Variants in GSG1L observed in about 807,000 individuals in gnomAD.
GSG1L encodes the protein GSG1 like, also known as germ cell-specific gene 1-like protein.
In GSG1L, 24 loss-of-function variants were observed where a neutral mutation model predicts 42.1. That is an observed-to-expected ratio of 0.57 (90% CI 0.41 to 0.80). GSG1L has a LOEUF of 0.80. Among genes scored for constraint, GSG1L ranks in the 30% least tolerant of loss-of-function variants. GSG1L has a pLI of 0.00. For synonymous variants in GSG1L, 215 were observed against 203.5 expected, an observed-to-expected ratio of 1.06 and a Z score of -0.48; for missense variants, 445 against 472.2, an observed-to-expected ratio of 0.94 and a Z score of 0.53.
At chr16:27,820,292 A>G (rs556091138) in intron 5 of GSG1L, among the ~76,000 whole-genome samples, 1 of 152,334 alleles carries the variant, frequency 6.6e-6, no homozygotes, top group East Asian at 1.9e-4. Flanking sequence ...GCTGCACATC[A>G]TAGAAGGGAA....
intron 2 of GSG1L, among the ~76,000 whole-genome samples, chr16:27,946,608 AGAGAGAGAGAGAGAGAGAGAG>A (rs1567529880): frequency 7.0e-4 from 5 of 7,118 alleles, no homozygotes; most frequent in African/African-American, 2.5e-3. Context: ...AGAGAGAGAG[AGAGAGAGAGAGAGAGAGAGAG>A]AGAAAGAAAG....
chr16:27,850,193 A>G (rs2140988999), intron 3 of GSG1L, among the ~76,000 whole-genome samples: 1 of 151,320 alleles, frequency 6.6e-6, no homozygotes, highest in Middle Eastern at 3.4e-3. Flanking sequence ...ACACCCGGCT[A>G]ATTTTTGTAT....
intron 1 of GSG1L, among the ~76,000 whole-genome samples, chr16:28,058,989 G>A (rs564651206): frequency 5.3e-5 from 8 of 152,190 alleles, no homozygotes; most frequent in Non-Finnish European, 1.2e-4. Context: ...CTGGGGAGTG[G>A]GGGTGATGGC....
At chr16:27,977,432 C>T (rs1242586515) in intron 1 of GSG1L, among the ~76,000 whole-genome samples, 3 of 151,866 alleles carry the variant, frequency 2.0e-5, no homozygotes, top group Non-Finnish European at 2.9e-5. Flanking sequence ...AATAGCTGGG[C>T]GTGGCAGTGT....
intron 2 of GSG1L, among the ~76,000 whole-genome samples, chr16:27,924,544 G>A (rs2084569245): frequency 6.6e-6 from 1 of 152,110 alleles, no homozygotes; most frequent in Admixed American, 6.5e-5. Context: ...CAGAAACTTA[G>A]AGTTTCTTTT....
intron 1 of GSG1L, among the ~76,000 whole-genome samples, chr16:28,043,059 C>G (rs2086125311): frequency 6.6e-6 from 1 of 152,148 alleles, no homozygotes; most frequent in African/African-American, 2.4e-5. Context: ...AAGTTAATTC[C>G]CTGCCAAAGA....
chr16:27,883,695 C>T (rs1205399851), intron 3 of GSG1L, among the ~76,000 whole-genome samples: 1 of 152,198 alleles, frequency 6.6e-6, no homozygotes, highest in Non-Finnish European at 1.5e-5. Flanking sequence ...AACAGCCAAG[C>T]CACTGCTCTG....
At chr16:27,896,525 A>C (rs2084193944) in intron 2 of GSG1L, among the ~76,000 whole-genome samples, 1 of 152,246 alleles carries the variant, frequency 6.6e-6, no homozygotes, top group Non-Finnish European at 1.5e-5. Context: ...CCTATGTAAC[A>C]AACCTGCACA....
intron 1 of GSG1L, among the ~76,000 whole-genome samples, chr16:28,026,306 G>A (rs1228351896): frequency 6.6e-6 from 1 of 152,142 alleles, no homozygotes; most frequent in African/African-American, 2.4e-5. Context: ...ACCAGGAGAG[G>A]AGCCCCTTGA....
At chr16:27,984,665 T>C (rs1313519724) in intron 1 of GSG1L, among the ~76,000 whole-genome samples, 2 of 152,232 alleles carry the variant, frequency 1.3e-5, no homozygotes, top group Non-Finnish European at 2.9e-5. Context: ...TCTGGCATTT[T>C]TTTTCAGTCG....
chr16:27,884,460 A>G lies in GSG1L; in HGVS notation c.550+26T>C. On this transcript the variant is annotated intron_variant, in intron 3 of 6. Coordinates refer to ENST00000447459, the MANE Select transcript of GSG1L (RefSeq NM_001109763.2). This position sits in a 1 kb window ranked among gnomAD's most constrained non-coding sequence, Gnocchi z 4.4. ...CACCCTTTCTCGCCTGTGCTCTGAG[A>G]GGCCACAGGACCAGCCATGCCTTAC... 6.2e-7 allele frequency: 1 copy of G among 1,603,258 alleles called. No individual in the cohort carries two copies. The highest frequency in any genetic ancestry group is 8.5e-7 in the Non-Finnish European group (1 of 1,173,030).
At chr16:27,921,478 C>G (rs1404987547) in intron 2 of GSG1L, among the ~76,000 whole-genome samples, 8 of 152,146 alleles carry the variant, frequency 5.3e-5, no homozygotes, top group African/African-American at 7.2e-5. Flanking sequence ...AAACATCAAC[C>G]CTGTTAACTT....
At chr16:27,872,691 C>T (rs1020666233) in intron 3 of GSG1L, among the ~76,000 whole-genome samples, 15 of 152,138 alleles carry the variant, frequency 9.9e-5, no homozygotes, top group Non-Finnish European at 2.2e-4. Flanking sequence ...ACAAAAGTGC[C>T]CTCTGGTTGT....
intron 4 of GSG1L, among the ~76,000 whole-genome samples, chr16:27,835,459 T>A (rs1405357932): frequency 6.6e-6 from 1 of 152,160 alleles, no homozygotes; most frequent in Admixed American, 6.5e-5. Flanking sequence ...ACTCGGCCAA[T>A]TTCTGACTTT....
At chr16:27,823,790 C>G in intron 5 of GSG1L, 1 of 695,022 alleles carries the variant, frequency 1.4e-6, no homozygotes, top group Non-Finnish European at 2.6e-6. Context: ...GATAATTGAT[C>G]AAGCCTGAGA....
At chr16:28,021,232 G>T (rs1194419024) in intron 1 of GSG1L, among the ~76,000 whole-genome samples, 2 of 152,126 alleles carry the variant, frequency 1.3e-5, no homozygotes, top group Non-Finnish European at 2.9e-5. Context: ...CATGGTGGAA[G>T]GCAGAAGGGG....
intron 2 of GSG1L, among the ~76,000 whole-genome samples, chr16:27,935,295 C>G (rs1221267360): frequency 6.6e-6 from 1 of 151,472 alleles, no homozygotes; most frequent in Non-Finnish European, 1.5e-5. Context: ...CCCGGCCAGC[C>G]TTCCTGAGCT....
At chr16:27,894,415 G>C (rs1432385230) in intron 2 of GSG1L, among the ~76,000 whole-genome samples, 1 of 152,226 alleles carries the variant, frequency 6.6e-6, no homozygotes, top group Non-Finnish European at 1.5e-5. Context: ...GAGGGGAATT[G>C]TTGCAAAGTC....
chr16:27,826,328 G>A (rs2083208323), intron 5 of GSG1L, among the ~76,000 whole-genome samples: 1 of 152,128 alleles, frequency 6.6e-6, no homozygotes, highest in Non-Finnish European at 1.5e-5. Flanking sequence ...ACCCTCCCAA[G>A]GGCCCCACAG....
Sources: gnomAD v4.1 joint callset for allele counts (sites outside exome capture counted in the v4.1 genomes callset) on GRCh38, gnomAD v4.1.1 for gene constraint, Gnocchi (gnomAD v3.1) non-coding constraint, MANE v1.5 for transcripts, NCBI Gene and HGNC (gene_info 2026-07-23, HGNC 2026-07-21) for gene names.